ERBIN: variants seen among roughly 807,000 people sequenced by gnomAD.
ERBIN encodes erbb2 interacting protein.
ERBIN carries 60 observed loss-of-function variants against 158.4 expected under a neutral mutation model. That is an observed-to-expected ratio of 0.38 (90% CI 0.31 to 0.47). ERBIN has a LOEUF of 0.47. Ranked by LOEUF, ERBIN falls within the 20% of genes least tolerant of loss-of-function variation. ERBIN has a pLI of 0.99. For missense variants in ERBIN, 1,610 were observed against 1,648.0 expected (o/e 0.98, Z 0.40); for synonymous variants, 594 against 557.2 (o/e 1.07, Z -0.93).
intron 1 of ERBIN, among the ~76,000 whole-genome samples, chr5:65,977,430 A>G (rs1260527544): frequency 1.3e-5 from 2 of 148,448 alleles, no homozygotes; most frequent in African/African-American, 5.0e-5. Flanking sequence ...GGGGCTCCTC[A>G]CTTCTCGGAC....
rs1426450066 is a variant in ERBIN, at chr5:66,081,036, A to AT, written c.*2511dup. ...AATTTTTTGAGGAAGTGGAGAAGAC[A>AT]TTTTTAGTTTATATATTGTTGAGTA... On this transcript the variant is annotated 3_prime_UTR_variant, in exon 26 of 26. Coordinates refer to ENST00000284037, the MANE Select transcript of ERBIN (RefSeq NM_001253697.2). 1 of 151,524 alleles carries AT rather than the reference A, an allele frequency of 6.6e-6. No homozygotes were observed. Among genetic ancestry groups the AT allele is most frequent in the Admixed American group, 6.6e-5 (1 of 15,262 alleles). 9.4% of individuals were successfully genotyped at this position (151,524 alleles called of 1,614,324 possible). A position where few individuals can be genotyped will look rare whatever the true frequency, so the allele number is the denominator to read the frequency against.
chr5:65,994,755 T>C lies in ERBIN; in HGVS notation c.198T>C (p.Phe66=). The change falls in exon 4 of 26, where the codon TTT becomes TTC. Residue 66 remains phenylalanine, a synonymous_variant. Coordinates refer to ENST00000284037, the MANE Select transcript of ERBIN (RefSeq NM_001253697.2). The stretch of plus-strand genomic sequence containing the variant: ...CTCCCTTTTTTCAATAGCAACTTTT[T>C]AACTGTCAGTCTTTACACAAACTGA... ...NQIEELPKQL[F]NCQSLHKLSL... 6.3e-7 allele frequency: 1 copy of C among 1,586,742 alleles called. No homozygotes were observed. The highest frequency in any genetic ancestry group is 8.6e-7 in the Non-Finnish European group (1 of 1,168,130).
In ERBIN at chr5:66,082,534, T is replaced by C. The variant is rs952000818; in HGVS notation, c.*4004T>C. The C allele has an allele frequency of 6.6e-6, 1 of 152,198 alleles. No individual in the cohort carries two copies. The highest frequency in any genetic ancestry group is 2.4e-5 in the African/African-American group (1 of 41,458). 9.4% of individuals were successfully genotyped at this position (152,198 alleles called of 1,614,324 possible). ...CCCTCAAGGGATTCAATAAAGCTTA[T>C]TTTTCATGAAAACAAGCCTATAAAT... On this transcript the variant is annotated 3_prime_UTR_variant, in exon 26 of 26. Coordinates refer to ENST00000284037, the MANE Select transcript of ERBIN (RefSeq NM_001253697.2).
chr5:65,986,287 TCTC>T, intron 1 of ERBIN, among the ~76,000 whole-genome samples: 1 of 152,370 alleles, frequency 6.6e-6, no homozygotes, highest in Middle Eastern at 3.4e-3. Flanking sequence ...ACATCTTTCT[TCTC>T]TCTGCCTTGC....
intron 1 of ERBIN, among the ~76,000 whole-genome samples, chr5:65,953,187 C>T (rs1339338413): frequency 6.6e-6 from 1 of 152,186 alleles, no homozygotes; most frequent in Non-Finnish European, 1.5e-5. Context: ...TCCCAAGCAA[C>T]ATGTTCACAT....
At chr5:66,049,970 C>G (rs1022600669) in intron 19 of ERBIN, among the ~76,000 whole-genome samples, 8 of 151,936 alleles carry the variant, frequency 5.3e-5, no homozygotes, top group African/African-American at 1.4e-4. Flanking sequence ...AAAGAGCTGA[C>G]CTTTGAAAAT....
chr5:65,931,537 A>T (rs1043458069), intron 1 of ERBIN, among the ~76,000 whole-genome samples: 14 of 152,136 alleles, frequency 9.2e-5, no homozygotes, highest in African/African-American at 1.4e-4. Flanking sequence ...AACAGAAATT[A>T]AAAAAAATTA....
rs1554058775 is a variant in ERBIN, at chr5:66,018,487, T to TATAATATATAATATATAATA, written c.534-2835_534-2834insATAATATATAATATATAATA. Reference sequence around the variant, plus strand: ...TATAATATATATTATATATTATATATTATATTATATAATATATATTATATA... The same window carrying TATAATATATAATATATAATA: ...TATAATATATATTATATATTATATATATAATATATAATATATAATATATATTATATAATATATATTATATA... On this transcript the variant is annotated intron_variant, in intron 7 of 25. Coordinates refer to ENST00000284037, the MANE Select transcript of ERBIN (RefSeq NM_001253697.2). Among the ~76,000 whole-genome samples, 7 of 6,582 alleles carry TATAATATATAATATATAATA rather than the reference T, an allele frequency of 1.1e-3. 2 individuals carry two copies. Among genetic ancestry groups the TATAATATATAATATATAATA allele is most frequent in the Non-Finnish European group, 8.2e-4 (3 of 3,678 alleles). The allele number at this position is 6,582 out of a possible 152,430, so 4.3% of individuals were successfully genotyped here. A position where few individuals can be genotyped will look rare whatever the true frequency, so the allele number is the denominator to read the frequency against.
At chr5:66,072,427 A>C (rs1473749285) in intron 22 of ERBIN, 136 bp downstream of exon 22, 1 of 813,548 alleles carries the variant, frequency 1.2e-6, no homozygotes, top group African/African-American at 1.8e-5. Context: ...AGGATTTTTA[A>C]AATATCAGAA....
At chr5:65,959,405 A>C (rs982417232) in intron 1 of ERBIN, among the ~76,000 whole-genome samples, 3 of 152,180 alleles carry the variant, frequency 2.0e-5, no homozygotes, top group Admixed American at 6.5e-5. Flanking sequence ...TTTTAAAAAC[A>C]CAGTTGATAG....
At position 66,081,301 on chromosome 5, in the gene ERBIN, A is replaced by G. The variant is rs1762373865; in HGVS notation, c.*2771A>G. ...AATCAATGAAATTCTAAAATTCCCT[A>G]CATATTTATTTTGTAAATATTCTTC... On this transcript the variant is annotated 3_prime_UTR_variant, in exon 26 of 26. Coordinates refer to ENST00000284037, the MANE Select transcript of ERBIN (RefSeq NM_001253697.2). 6.6e-6 allele frequency: 1 copy of G among 152,064 alleles called. No individual in the cohort carries two copies. The highest frequency in any genetic ancestry group is 2.4e-5 in the African/African-American group (1 of 41,458). The allele number at this position is 152,064 out of a possible 1,614,324, so 9.4% of individuals were successfully genotyped here.
chr5:65,956,779 A>G (rs1324150445), intron 1 of ERBIN, among the ~76,000 whole-genome samples: 2 of 152,144 alleles, frequency 1.3e-5, no homozygotes, highest in Non-Finnish European at 2.9e-5. Context: ...TAGTCTGCCA[A>G]TATTTTTTCA....
chr5:66,043,993 C>A, intron 16 of ERBIN, 144 bp from the exon 17 acceptor site: 1 of 449,094 alleles, frequency 2.2e-6, no homozygotes, highest in African/African-American at 2.0e-5. Flanking sequence ...GCCTAAAATG[C>A]CTTCAAAGCC....
chr5:66,020,467 T>C (rs544152838), intron 7 of ERBIN, among the ~76,000 whole-genome samples: 1 of 152,168 alleles, frequency 6.6e-6, no homozygotes, highest in South Asian at 2.1e-4. Flanking sequence ...ATTATAACTA[T>C]ATTTTGCTCT....
chr5:65,986,432 G>A (rs1751244781), intron 1 of ERBIN, among the ~76,000 whole-genome samples: 1 of 152,148 alleles, frequency 6.6e-6, no homozygotes, highest in African/African-American at 2.4e-5. Flanking sequence ...CAGCTTTGTT[G>A]TTGTTGTTTT....
intron 7 of ERBIN, among the ~76,000 whole-genome samples, chr5:66,018,440 TAATATA>T (rs1755034181): frequency 1.5e-5 from 1 of 68,762 alleles, no homozygotes; most frequent in Non-Finnish European, 2.6e-5. Context: ...TTGATATATA[TAATATA>T]ATATATATTA....
intron 1 of ERBIN, among the ~76,000 whole-genome samples, chr5:65,951,872 C>A (rs974822430): frequency 6.6e-6 from 1 of 152,162 alleles, no homozygotes; most frequent in African/African-American, 2.4e-5. Context: ...ATGACTGATT[C>A]ATTTGTGTTT....
rs1028020170 is a variant in ERBIN, at chr5:66,080,928, A to G, written c.*2398A>G. On this transcript the variant is annotated 3_prime_UTR_variant, in exon 26 of 26. Coordinates refer to ENST00000284037, the MANE Select transcript of ERBIN (RefSeq NM_001253697.2). ...TTATAGCCAAGTTTTCTTTGAAAGT[A>G]TTGGAAAACTAAAATTAAATGACAA... The G allele has an allele frequency of 6.6e-6, 1 of 152,092 alleles. No individual in the cohort carries two copies. The highest frequency in any genetic ancestry group is 2.4e-5 in the African/African-American group (1 of 41,460). 9.4% of individuals were successfully genotyped at this position (152,092 alleles called of 1,614,324 possible).
At position 66,026,367 on chromosome 5, in the gene ERBIN, G is replaced by A. The variant is rs756896871; in HGVS notation, c.1086G>A (p.Glu362=). The A allele has an allele frequency of 4.6e-5, 73 of 1,600,526 alleles. 2 individuals are homozygous for A. The South Asian group carries it at 7.7e-4, about 17-fold the overall frequency. Reference sequence around the variant, plus strand: ...CCAATAAACTTGAGACACTTCCAGAGGAAATGGGTGATATGCAAAAATTAA... The same window carrying A: ...CCAATAAACTTGAGACACTTCCAGAAGAAATGGGTGATATGCAAAAATTAA... ...LHSNKLETLP[E]EMGDMQKLKV... is the part of the protein sequence containing the mutation. The change falls in exon 13 of 26, where the codon GAG becomes GAA. Residue 362 remains glutamate, a synonymous_variant. Transcript: ENST00000284037.
Sources: allele counts gnomAD v4.1 joint callset (sites outside exome capture counted in the v4.1 genomes callset), GRCh38; gene constraint gnomAD v4.1.1; transcripts MANE v1.5; gene names NCBI Gene and HGNC (gene_info 2026-07-23, HGNC 2026-07-21).